Variants in UGT1A8 observed in about 807,000 individuals in gnomAD.
UGT1A8 encodes the protein UDP-glucuronosyltransferase 1A8.
Under a neutral mutation model 45.3 loss-of-function variants are expected in UGT1A8, and 39 were observed. That is an observed-to-expected ratio of 0.86 (90% CI 0.67 to 1.12). The LOEUF (loss-of-function observed/expected upper bound fraction) is 1.12, where lower values mean the gene tolerates loss of function less well. UGT1A8 is among the 50% of genes most tolerant of loss of function. The pLI is 0.00. For synonymous variants in UGT1A8, 275 were observed against 249.2 expected (o/e 1.10, Z -0.97); for missense variants, 719 against 664.9 (o/e 1.08, Z -0.90).
chr2:233,738,593 G>A (rs971554241), intron 1 of UGT1A8, among the ~76,000 whole-genome samples: 1 of 152,204 alleles, frequency 6.6e-6, no homozygotes, highest in Non-Finnish European at 1.5e-5. Context: ...GGTCACTCTT[G>A]CTAAGCTTTA....
rs766438569 is a variant in UGT1A8, at chr2:233,729,630, T to G, written c.856-37404T>G. 4 of 1,613,982 alleles carry G rather than the reference T, an allele frequency of 2.5e-6. No homozygotes were observed. The South Asian group carries it at 4.4e-5, about 18-fold the overall frequency. ...TGCTGGCTAAGTACCTGTCGATTCCTACTGTGTTTTTTTTGAGGAACATTC... is the reference window on the plus strand; with the variant it reads ...TGCTGGCTAAGTACCTGTCGATTCCGACTGTGTTTTTTTTGAGGAACATTC... On this transcript the variant is annotated intron_variant, in intron 1 of 4. Transcript: ENST00000373450.
At chr2:233,729,021 C>T (rs575781595) in intron 1 of UGT1A8, 130 of 1,593,082 alleles carry the variant, frequency 8.2e-5, no homozygotes, top group Non-Finnish European at 1.0e-4. Context: ...TCCAATTACA[C>T]GTTGATTTGC....
intron 1 of UGT1A8, among the ~76,000 whole-genome samples, chr2:233,687,583 T>TAAAAA (rs71398794): frequency 9.3e-6 from 1 of 107,450 alleles, no homozygotes. Flanking sequence ...ACATTCTTTG[T>TAAAAA]AAAAAAAAAA....
At chr2:233,714,970 A>G (rs1219636943) in intron 1 of UGT1A8, among the ~76,000 whole-genome samples, 1 of 152,130 alleles carries the variant, frequency 6.6e-6, no homozygotes, top group Non-Finnish European at 1.5e-5. Context: ...TCCACCTCCC[A>G]GGTTCAACTG....
At chr2:233,718,710 T>C in intron 1 of UGT1A8, 1 of 1,606,198 alleles carries the variant, frequency 6.2e-7, no homozygotes, top group Admixed American at 1.7e-5. Flanking sequence ...TGTCTTCCAA[T>C]TACATGCTGA....
At chr2:233,624,513 A>G (rs1248690277) in intron 1 of UGT1A8, among the ~76,000 whole-genome samples, 2 of 152,142 alleles carry the variant, frequency 1.3e-5, no homozygotes, top group African/African-American at 2.4e-5. Context: ...ACCTTTGTAA[A>G]AACTTGGCTG....
At chr2:233,648,064 T>C (rs565849073) in intron 1 of UGT1A8, 5 of 1,567,880 alleles carry the variant, frequency 3.2e-6, no homozygotes, top group African/African-American at 1.4e-5. Context: ...AGTGAAGACT[T>C]CTTCAACCTT....
chr2:233,635,375 G>C (rs770297198), intron 1 of UGT1A8, among the ~76,000 whole-genome samples: 8 of 150,710 alleles, frequency 5.3e-5, no homozygotes, highest in Non-Finnish European at 1.0e-4. Context: ...AAGTTCTCCT[G>C]AATAATATCC....
chr2:233,680,451 G>T (rs17863777), intron 1 of UGT1A8, among the ~76,000 whole-genome samples: 1,847 of 152,270 alleles, frequency 0.012, 17 homozygotes, highest in Admixed American at 0.02. Context: ...AAGTGACTAA[G>T]CAAATGTCTA....
At chr2:233,687,100 C>T (rs750852602) in intron 1 of UGT1A8, among the ~76,000 whole-genome samples, 1 of 152,178 alleles carries the variant, frequency 6.6e-6, no homozygotes, top group East Asian at 1.9e-4. Flanking sequence ...GTGACACTTG[C>T]GTAAACTTGG....
intron 1 of UGT1A8, among the ~76,000 whole-genome samples, chr2:233,763,758 G>C (rs1698394922): frequency 6.6e-6 from 1 of 152,148 alleles, no homozygotes; most frequent in South Asian, 2.1e-4. Flanking sequence ...TGTGTCTGAA[G>C]GAAAAGAGAT....
At chr2:233,770,165 A>G (rs941175167) in intron 4 of UGT1A8, 2 of 152,226 alleles carry the variant, frequency 1.3e-5, no homozygotes, top group Admixed American at 1.3e-4. Context: ...ACACAAATCA[A>G]TGAGCTCAAC....
At chr2:233,697,092 C>T (rs1373676838) in intron 1 of UGT1A8, among the ~76,000 whole-genome samples, 1 of 151,956 alleles carries the variant, frequency 6.6e-6, no homozygotes, top group Admixed American at 6.6e-5. Context: ...ACTGGTCTCA[C>T]AGGATGAGTT....
intron 1 of UGT1A8, among the ~76,000 whole-genome samples, chr2:233,620,629 A>G (rs1197020845): frequency 1.3e-5 from 2 of 152,212 alleles, no homozygotes; most frequent in African/African-American, 2.4e-5. Flanking sequence ...TATATGTATG[A>G]AAGTTTTTAT....
chr2:233,744,318 TG>T (rs1692773667), intron 1 of UGT1A8, among the ~76,000 whole-genome samples: 2 of 151,754 alleles, frequency 1.3e-5, no homozygotes, highest in Admixed American at 1.3e-4. Flanking sequence ...AAGAGGGTGG[TG>T]GGAGTGAGTT....
chr2:233,707,802 G>A (rs900827108), intron 1 of UGT1A8, among the ~76,000 whole-genome samples: 5 of 152,298 alleles, frequency 3.3e-5, no homozygotes, highest in South Asian at 2.1e-4. Flanking sequence ...GAGCTGCTGC[G>A]TTGGAGGGCG....
intron 1 of UGT1A8, among the ~76,000 whole-genome samples, chr2:233,637,897 G>A (rs1454614301): frequency 1.3e-5 from 2 of 152,010 alleles, no homozygotes; most frequent in African/African-American, 4.8e-5. Context: ...AGACAGATTT[G>A]ACAAGTTCTT....
At chr2:233,760,225 G>A (rs1047777533) in intron 1 of UGT1A8, 1 of 1,585,000 alleles carries the variant, frequency 6.3e-7, no homozygotes. Flanking sequence ...GTATCGATTG[G>A]TTTTTGCCAT....
At chr2:233,751,657 CTGAG>C (rs111702425) in intron 1 of UGT1A8, among the ~76,000 whole-genome samples, 4 of 152,292 alleles carry the variant, frequency 2.6e-5, no homozygotes, top group African/African-American at 9.6e-5. Context: ...TCTCATCCTA[CTGAG>C]TGAGTTCTAA....
Sources: allele counts gnomAD v4.1 joint callset (sites outside exome capture counted in the v4.1 genomes callset), GRCh38; gene constraint gnomAD v4.1.1; transcripts MANE v1.5; gene names NCBI Gene and HGNC (gene_info 2026-07-23, HGNC 2026-07-21).